VWC2L: variants seen among roughly 807,000 people sequenced by gnomAD.
VWC2L encodes von Willebrand factor C domain-containing protein 2-like.
VWC2L carries 10 observed loss-of-function variants against 21.6 expected under a neutral mutation model. The observed-to-expected ratio is 0.46, with a 90% CI of 0.29 to 0.78. The LOEUF is 0.78. Ranked by LOEUF, VWC2L falls within the 30% of genes least tolerant of loss-of-function variation. VWC2L has a pLI of 0.10. For synonymous variants in VWC2L, 96 were observed against 94.3 expected (o/e 1.02, Z -0.10); for missense variants, 209 against 277.1 (o/e 0.75, Z 1.74).
intron 3 of VWC2L, among the ~76,000 whole-genome samples, chr2:214,533,574 A>G (rs965012697): frequency 6.6e-6 from 1 of 151,824 alleles, no homozygotes; most frequent in African/African-American, 2.4e-5. Context: ...AAGAGATTTA[A>G]TAAGTGTAAT....
rs192497003 is a variant in VWC2L at position 214,426,365 on chromosome 2, A to T, written c.391-10264A>T. ...TCAAAGGGTATACAGAGTTAGAAAT[A>T]AGAGTGAGGCGGGAGCATGGGACCA... is the stretch of plus-strand genomic sequence containing the variant. On this transcript the variant is annotated intron_variant, in intron 2 of 3. Transcript: ENST00000312504. Among the ~76,000 whole-genome samples the T allele has an allele frequency of 3.5e-3, 539 of 152,126 alleles. 7 individuals are homozygous for T. Among genetic ancestry groups the T allele is most frequent in the Middle Eastern group, 3.4e-3 (1 of 294 alleles).
At chr2:214,431,822 C>T (rs770384438) in intron 2 of VWC2L, among the ~76,000 whole-genome samples, 2 of 152,146 alleles carry the variant, frequency 1.3e-5, no homozygotes, top group African/African-American at 2.4e-5. Context: ...TCTGCATGTA[C>T]TCTTGTCCAA....
At chr2:214,517,873 T>C (rs1689169462) in intron 3 of VWC2L, among the ~76,000 whole-genome samples, 1 of 152,192 alleles carries the variant, frequency 6.6e-6, no homozygotes, top group Admixed American at 6.5e-5. Context: ...ATTAAAAGAA[T>C]TAGTACTGTG....
At chr2:214,460,847 C>G (rs896366606) in intron 3 of VWC2L, among the ~76,000 whole-genome samples, 35 of 151,786 alleles carry the variant, frequency 2.3e-4, no homozygotes, top group African/African-American at 8.5e-4. Flanking sequence ...TTTTTTATGT[C>G]CTTAGGTATC....
At chr2:214,417,140 C>T (rs1702369305) in intron 2 of VWC2L, among the ~76,000 whole-genome samples, 2 of 152,172 alleles carry the variant, frequency 1.3e-5, no homozygotes, top group South Asian at 4.2e-4. Flanking sequence ...ATTAAAGATG[C>T]ATAAAACTTT....
chr2:214,515,420 T>C (rs554660652), intron 3 of VWC2L, among the ~76,000 whole-genome samples: 73 of 152,198 alleles, frequency 4.8e-4, no homozygotes, highest in Non-Finnish European at 4.9e-4. Context: ...TAGCATCCTG[T>C]GTGCGGCTGT....
chr2:214,434,261 T>C (rs866064546), intron 2 of VWC2L, among the ~76,000 whole-genome samples: 2 of 152,206 alleles, frequency 1.3e-5, no homozygotes, highest in Admixed American at 6.5e-5. Flanking sequence ...TGGATTATTA[T>C]CTGTTAACAC....
chr2:214,454,875 T>C (rs1242547149), intron 3 of VWC2L, among the ~76,000 whole-genome samples: 6 of 152,156 alleles, frequency 3.9e-5, no homozygotes, highest in Admixed American at 3.9e-4. Context: ...GTGCTGGGAT[T>C]ACAGGCTTGA....
intron 2 of VWC2L, among the ~76,000 whole-genome samples, chr2:214,419,654 A>G (rs1381166081): frequency 2.6e-5 from 4 of 152,104 alleles, no homozygotes; most frequent in African/African-American, 4.8e-5. Context: ...GCTGACACTG[A>G]CCTTTGTGTT....
At chr2:214,552,123 G>A (rs1233455612) in intron 3 of VWC2L, among the ~76,000 whole-genome samples, 1 of 152,234 alleles carries the variant, frequency 6.6e-6, no homozygotes, top group Non-Finnish European at 1.5e-5. Context: ...GCTTCGCTGT[G>A]ATTCACAGTT....
intron 3 of VWC2L, among the ~76,000 whole-genome samples, chr2:214,565,168 T>C (rs1171676315): frequency 1.3e-5 from 2 of 152,212 alleles, no homozygotes; most frequent in Non-Finnish European, 2.9e-5. Context: ...ATTCAGTATT[T>C]CTGTGACTGG....
chr2:214,539,995 T>C (rs1006450225), intron 3 of VWC2L, among the ~76,000 whole-genome samples: 8 of 152,084 alleles, frequency 5.3e-5, no homozygotes, highest in Admixed American at 1.3e-4. Context: ...GAACAACATA[T>C]AAAATTGATG....
At chr2:214,478,930 T>C (rs1338137342) in intron 3 of VWC2L, among the ~76,000 whole-genome samples, 3 of 152,108 alleles carry the variant, frequency 2.0e-5, no homozygotes, top group Non-Finnish European at 4.4e-5. Context: ...ATTTCAAAGC[T>C]CTCACTTCTG....
intron 3 of VWC2L, among the ~76,000 whole-genome samples, chr2:214,566,546 A>G (rs191128522): frequency 1.3e-5 from 2 of 152,286 alleles, no homozygotes; most frequent in East Asian, 1.9e-4. Flanking sequence ...AGAGAAAACA[A>G]TATTTCCTGC....
intron 2 of VWC2L, among the ~76,000 whole-genome samples, chr2:214,421,042 G>C (rs1255741806): frequency 6.6e-6 from 1 of 152,114 alleles, no homozygotes; most frequent in Non-Finnish European, 1.5e-5. Flanking sequence ...TAAGTAACTG[G>C]GGAACCTTTA....
chr2:214,471,905 C>A (rs534329072), intron 3 of VWC2L, among the ~76,000 whole-genome samples: 2 of 152,168 alleles, frequency 1.3e-5, no homozygotes, highest in Non-Finnish European at 2.9e-5. Flanking sequence ...ACAAGGTTCA[C>A]GTATCTGTAA....
chr2:214,529,409 A>T (rs1489307721), intron 3 of VWC2L, among the ~76,000 whole-genome samples: 1 of 152,162 alleles, frequency 6.6e-6, no homozygotes, highest in Non-Finnish European at 1.5e-5. Context: ...TGCCTTTTCA[A>T]TGAACAGTTC....
chr2:214,510,483 G>A (rs552242867), intron 3 of VWC2L, among the ~76,000 whole-genome samples: 16 of 152,164 alleles, frequency 1.1e-4, no homozygotes, highest in South Asian at 1.0e-3. Flanking sequence ...GTGAAAAACC[G>A]ACAAGGTACT....
chr2:214,491,549 T>A (rs1365904951), intron 3 of VWC2L, among the ~76,000 whole-genome samples: 1 of 152,204 alleles, frequency 6.6e-6, no homozygotes, highest in African/African-American at 2.4e-5. Context: ...ATTTTAGATG[T>A]TATGTAATGT....
Sources: gnomAD v4.1 joint callset for allele counts (sites outside exome capture counted in the v4.1 genomes callset) on GRCh38, gnomAD v4.1.1 for gene constraint, MANE v1.5 for transcripts, NCBI Gene and HGNC (gene_info 2026-07-23, HGNC 2026-07-21) for gene names.